LXN: variants seen among roughly 807,000 people sequenced by gnomAD.
LXN encodes MUM.
In LXN, 28 loss-of-function variants were observed where a neutral mutation model predicts 29.8. That is an observed-to-expected ratio of 0.94 (90% CI 0.70 to 1.29). LXN has a LOEUF of 1.29. Ranked by LOEUF, LXN falls within the 50% of genes most tolerant of loss-of-function variation. The pLI, the probability that LXN is intolerant of heterozygous loss-of-function variation, is 0.00. For missense variants in LXN, 227 were observed against 261.7 expected, an observed-to-expected ratio of 0.87 and a Z score of 0.92; for synonymous variants, 77 against 89.6, an observed-to-expected ratio of 0.86 and a Z score of 0.80.
chr3:158,668,972 G>A (rs774650899), intron 4 of LXN, 24 bp downstream of exon 4: 2 of 1,562,206 alleles, frequency 1.3e-6, no homozygotes, highest in African/African-American at 1.4e-5. Context: ...CCCATTAATA[G>A]TGTATTTTAT....
At chr3:158,668,866 C>G (rs1723981538) in intron 4 of LXN, 130 bp downstream of exon 4, 2 of 750,852 alleles carry the variant, frequency 2.7e-6, no homozygotes. Flanking sequence ...TACCTGACCT[C>G]CCCTTTGAAA....
At chr3:158,670,918 G>T in intron 2 of LXN, 39 bp downstream of exon 2, 1 of 1,467,598 alleles carries the variant, frequency 6.8e-7, no homozygotes, top group Non-Finnish European at 9.0e-7. Context: ...GGGTGATAGA[G>T]TGAGACCCTG....
In LXN at chr3:158,666,648, A is replaced by T. The variant is rs1723717402; in HGVS notation, c.667T>A (p.Ter223LysextTer9). 5.6e-6 allele frequency: 9 copies of T among 1,612,482 alleles called. No homozygotes were observed. The highest frequency in any genetic ancestry group is 7.6e-6 in the Non-Finnish European group (9 of 1,178,688). ...SRLPKEVQLE[*>K] ...ACTTCCAGTGTTAGGGTTTTTGTTT[A>T]TTCCAGTTGTACTTCCTTTGGCAGA... Residue 223 changes from the stop codon to lysine (K), a stop_lost, in exon 6 of 6, where the codon TAA becomes AAA. Coordinates refer to ENST00000264265, the MANE Select transcript of LXN (RefSeq NM_020169.4).
chr3:158,672,399 G>T lies in LXN; in HGVS notation c.80C>A (p.Thr27Asn), dbSNP rs371457216. 6.2e-7 allele frequency: 1 copy of T among 1,614,082 alleles called. No individual in the cohort carries two copies. Among genetic ancestry groups the T allele is most frequent in the Non-Finnish European group, 8.5e-7 (1 of 1,179,992 alleles). The change falls in exon 1 of 6, where the codon ACC becomes AAC. Residue 27 changes from threonine to asparagine, a missense_variant. Thr to Asn is a moderately conservative substitution (Grantham distance 65). Coordinates refer to ENST00000264265, the MANE Select transcript of LXN (RefSeq NM_020169.4). Reference protein sequence around the residue: ...AQNYINYQQGTPHRVFEVQKV... With the variant: ...AQNYINYQQGNPHRVFEVQKV... ...CTGCACCTCAAACACCCTGTGCGGG[G>T]TCCCCTGCTGGTAGTTGATGTAGTT...
chr3:158,672,606 A>T lies in LXN; in HGVS notation c.-128T>A, dbSNP rs9841. The T allele has an allele frequency of 0.37, 407,867 of 1,114,098 alleles. 78,977 individuals carry two copies. The highest frequency in any genetic ancestry group is 0.6 in the African/African-American group (38,680 of 64,056). The allele number at this position is 1,114,098 out of a possible 1,614,324, so 69.0% of individuals were successfully genotyped here. A position where few individuals can be genotyped will look rare whatever the true frequency, so the allele number is the denominator to read the frequency against. ...GGAAAAGTCGCAAGCTCCTTCAGTC[A>T]GTCTTCTTCCTCAGCTCCTTCCGAC... is the stretch of plus-strand genomic sequence containing the variant. On this transcript the variant is annotated 5_prime_UTR_variant, in exon 1 of 6. Transcript: ENST00000264265.
intron 3 of LXN, 73 bp from the exon 4 acceptor site, chr3:158,669,205 A>C (rs1296397045): frequency 6.9e-7 from 1 of 1,439,980 alleles, no homozygotes; most frequent in African/African-American, 1.5e-5. Flanking sequence ...TAAATTCTAA[A>C]TCATGTCTTA....
rs772773398 is a variant in LXN at position 158,669,552 on chromosome 3, GCA to G, written c.249_250del (p.Ala84ThrfsTer8). On this transcript the variant is annotated frameshift_variant, in exon 3 of 6. Transcript: ENST00000264265. LOFTEE classifies it high-confidence loss of function. ...TTCAAATGTGAAGTTGACTTCTGGT[GCA>G]GTTTCTTGTCCCGTTGAAGGGTAAA... is the stretch of plus-strand genomic sequence containing the variant. 1 of 1,613,964 alleles carries G rather than the reference GCA, an allele frequency of 6.2e-7. No homozygotes were observed. Among genetic ancestry groups the G allele is most frequent in the Admixed American group, 1.7e-5 (1 of 60,016 alleles).
In LXN at chr3:158,672,388, C is replaced by T. The variant is rs777930745; in HGVS notation, c.91G>A (p.Val31Met). ...TGTTTGACCTTCTGCACCTCAAACA[C>T]CCTGTGCGGGGTCCCCTGCTGGTAG... ...INYQQGTPHR[V>M]FEVQKVKQAS... The change falls in exon 1 of 6, where the codon GTG (valine) becomes ATG (methionine). Residue 31 changes from valine (V) to methionine (M), a missense_variant. Val to Met is a conservative substitution (Grantham distance 21). Coordinates refer to ENST00000264265, the MANE Select transcript of LXN (RefSeq NM_020169.4). 9 of 1,613,974 alleles carry T rather than the reference C, an allele frequency of 5.6e-6. No individual in the cohort carries two copies. The highest frequency in any genetic ancestry group is 1.3e-5 in the African/African-American group (1 of 74,914).
At position 158,666,428 on chromosome 3, in the gene LXN, A is replaced by G; in HGVS notation, c.*218T>C. The G allele has an allele frequency of 1.3e-6, 2 of 1,526,980 alleles. No homozygotes were observed. Among genetic ancestry groups the G allele is most frequent in the Non-Finnish European group, 1.8e-6 (2 of 1,101,222 alleles). The allele number at this position is 1,526,980 out of a possible 1,614,324, so 94.6% of individuals were successfully genotyped here. ...ATTAAACATTATGAGGCTGAAATTG[A>G]AGCTTTTTATTTTGGATATACATAC... On this transcript the variant is annotated 3_prime_UTR_variant, in exon 6 of 6. Coordinates refer to ENST00000264265, the MANE Select transcript of LXN (RefSeq NM_020169.4).
intron 3 of LXN, 74 bp downstream of exon 3, chr3:158,669,359 A>G: frequency 6.9e-7 from 1 of 1,440,610 alleles, no homozygotes; most frequent in Non-Finnish European, 9.4e-7. Flanking sequence ...GCAACTAACA[A>G]TTTTAAGCAC....
intron 2 of LXN, 121 bp downstream of exon 2, chr3:158,670,836 A>G: frequency 1.6e-6 from 2 of 1,265,722 alleles, no homozygotes; most frequent in Non-Finnish European, 2.0e-6. Flanking sequence ...GGGGAGGCTG[A>G]GGTGGGAAGA....
chr3:158,671,524 C>T (rs543978811), intron 1 of LXN, among the ~76,000 whole-genome samples: 13 of 152,200 alleles, frequency 8.5e-5, no homozygotes, highest in Admixed American at 3.9e-4. Context: ...AAATGATTAA[C>T]AAATTATATA....
At chr3:158,667,464 A>G (rs983171970) in intron 4 of LXN, among the ~76,000 whole-genome samples, 12 of 152,318 alleles carry the variant, frequency 7.9e-5, no homozygotes, top group African/African-American at 2.9e-4. Flanking sequence ...AAAGAATCCA[A>G]TTTTATAACA....
At chr3:158,669,785 T>C (rs187189692) in intron 2 of LXN, among the ~76,000 whole-genome samples, 175 bp from the exon 3 acceptor site, 2 of 152,330 alleles carry the variant, frequency 1.3e-5, no homozygotes, top group African/African-American at 4.8e-5. Context: ...TCTAGACTTA[T>C]CATGTGAATA....
At chr3:158,669,349 G>C in intron 3 of LXN, 84 bp downstream of exon 3, 1 of 1,362,584 alleles carries the variant, frequency 7.3e-7, no homozygotes, top group Non-Finnish European at 1.0e-6. Flanking sequence ...AACATACTTA[G>C]CAACTAACAA....
At chr3:158,668,821 T>C (rs1175141497) in intron 4 of LXN, among the ~76,000 whole-genome samples, 175 bp downstream of exon 4, 1 of 152,228 alleles carries the variant, frequency 6.6e-6, no homozygotes, top group African/African-American at 2.4e-5. Flanking sequence ...CTTTGGACTC[T>C]TCCTACAATT....
rs776783576 is a variant in LXN, at chr3:158,672,449, G to A, written c.30C>T (p.Ala10=). ...TCTGTGCCACCAAGGCCGCCCTGGA[G>A]GCTGGGTAGTTGGTCGGCGGGATTT... MEIPPTNYP[A]SRAALVAQNY... The change falls in exon 1 of 6, where the codon GCC becomes GCT. Residue 10 remains alanine, a synonymous_variant. Coordinates refer to ENST00000264265, the MANE Select transcript of LXN (RefSeq NM_020169.4). 15 of 1,613,990 alleles carry A rather than the reference G, an allele frequency of 9.3e-6. No homozygotes were observed. Among genetic ancestry groups the A allele is most frequent in the Non-Finnish European group, 2.5e-6 (3 of 1,179,990 alleles).
rs564605159 is a variant in LXN, at chr3:158,672,250, G to A, written c.129+100C>T. 1.9e-4 allele frequency: 276 copies of A among 1,447,342 alleles called. 4 individuals carry two copies. In the South Asian group the frequency reaches 2.8e-3, roughly 15 times the overall value. The allele number at this position is 1,447,342 out of a possible 1,614,324, so 89.7% of individuals were successfully genotyped here. ...GTCCTAAAACAGAAGGTGGGTAGGGGGTGGCACGGAGTGTCTGCACCCAAA... is the reference window on the plus strand; with the variant it reads ...GTCCTAAAACAGAAGGTGGGTAGGGAGTGGCACGGAGTGTCTGCACCCAAA... On this transcript the variant is annotated intron_variant, in intron 1 of 5. Transcript: ENST00000264265.
At position 158,666,639 on chromosome 3, in the gene LXN, T is replaced by A; in HGVS notation, c.*7A>T. 1.9e-6 allele frequency: 3 copies of A among 1,609,620 alleles called. No homozygotes were observed. Among genetic ancestry groups the A allele is most frequent in the Non-Finnish European group, 2.6e-6 (3 of 1,176,150 alleles). On this transcript the variant is annotated 3_prime_UTR_variant, in exon 6 of 6. Coordinates refer to ENST00000264265, the MANE Select transcript of LXN (RefSeq NM_020169.4). ...CATGTTTACACTTCCAGTGTTAGGG[T>A]TTTTGTTTATTCCAGTTGTACTTCC...
Sources: gnomAD v4.1 joint callset for allele counts (sites outside exome capture counted in the v4.1 genomes callset) on GRCh38, gnomAD v4.1.1 for gene constraint, MANE v1.5 for transcripts, NCBI Gene and HGNC (gene_info 2026-07-23, HGNC 2026-07-21) for gene names.